The following TYW1B variants were observed in gnomAD, a reference collection of about 807,000 sequenced individuals.
TYW1B encodes the protein S-adenosyl-L-methionine-dependent tRNA 4-demethylwyosine synthase TYW1B.
TYW1B carries 73 observed loss-of-function variants against 86.9 expected under a neutral mutation model. That is an observed-to-expected ratio of 0.84 (90% CI 0.70 to 1.02). The LOEUF is 1.02. TYW1B is among the 50% of genes least tolerant of loss of function. TYW1B has a pLI of 0.00. For synonymous variants in TYW1B, 248 were observed against 292.8 expected (o/e 0.85, Z 1.56); for missense variants, 637 against 827.4 (o/e 0.77, Z 2.82).
At chr7:72,658,937 T>C (rs1473828287) in intron 11 of TYW1B, among the ~76,000 whole-genome samples, 1 of 152,126 alleles carries the variant, frequency 6.6e-6, no homozygotes, top group Non-Finnish European at 1.5e-5. Context: ...GCCAGGCTGG[T>C]CTTGAACTCC....
chr7:72,694,714 A>C lies in TYW1B; in HGVS notation c.1479T>G (p.Leu493=), dbSNP rs1554451092. The change falls in exon 11 of 14, where the codon CTT becomes CTG. Residue 493 remains leucine, a synonymous_variant. Transcript: ENST00000620995. ...PLFKDFWQQF[L]DSLKALAVKQ... ...TGACTGCCAAGGCTTTTAAACTGTC[A>C]AGGAATTGCTGCCAGAAATCCTTGA... 6.2e-7 allele frequency: 1 copy of C among 1,613,270 alleles called. No homozygotes were observed. The highest frequency in any genetic ancestry group is 8.5e-7 in the Non-Finnish European group (1 of 1,179,828).
Position 72,730,425 on chromosome 7 carries a change from G to A in TYW1B, c.1083-1494C>T, listed in dbSNP as rs187069726. The stretch of plus-strand genomic sequence containing the variant: ...CAGAAAACTTGAAGGTGAAGAATTC[G>A]ATGAATGAAATAAATACAACTGAGA... On this transcript the variant is annotated intron_variant, in intron 8 of 13. Transcript: ENST00000620995. Among the ~76,000 whole-genome samples, 480 of 147,604 alleles carry A rather than the reference G, an allele frequency of 3.3e-3. 2 individuals carry two copies. Among genetic ancestry groups the A allele is most frequent in the African/African-American group, 0.011 (450 of 39,516 alleles).
In TYW1B at chr7:72,815,450, G is replaced by C; in HGVS notation, c.167C>G (p.Thr56Arg). 7 of 1,609,274 alleles carry C rather than the reference G, an allele frequency of 4.3e-6. No homozygotes were observed. The highest frequency in any genetic ancestry group is 1.1e-5 in the South Asian group (1 of 89,330). The change falls in exon 3 of 14, where the codon ACG becomes AGG. Residue 56 changes from threonine to arginine, a missense_variant. Thr to Arg is a moderately conservative substitution (Grantham distance 71). Transcript: ENST00000620995. ...GFATVLAEAV[T>R]SLDLPVAIIN... ...AATGGCCACAGGCAGATCCAGGGAC[G>C]TAACTGCTTCAGCAAGAACTGTTGC...
chr7:72,634,937 T>C (rs1326423545), intron 11 of TYW1B, among the ~76,000 whole-genome samples: 3 of 152,180 alleles, frequency 2.0e-5, no homozygotes, highest in Non-Finnish European at 4.4e-5. Context: ...TATGGCTTCC[T>C]TTTTTTCACA....
intron 6 of TYW1B, among the ~76,000 whole-genome samples, chr7:72,785,677 C>A (rs1788116656): frequency 6.6e-6 from 1 of 152,084 alleles, no homozygotes; most frequent in Admixed American, 6.6e-5. Flanking sequence ...ACCAGTCTTA[C>A]AATGACAGTG....
intron 12 of TYW1B, among the ~76,000 whole-genome samples, chr7:72,619,583 G>A (rs1812164807): frequency 6.7e-6 from 1 of 150,338 alleles, no homozygotes; most frequent in Non-Finnish European, 1.5e-5. Flanking sequence ...GGAGCTTGCA[G>A]TGAGCCGAGA....
intron 6 of TYW1B, among the ~76,000 whole-genome samples, chr7:72,780,652 CTA>C (rs1788035635): frequency 1.3e-5 from 2 of 152,112 alleles, no homozygotes; most frequent in African/African-American, 4.8e-5. Context: ...GAGAAAGTAT[CTA>C]TTATAAAATG....
In TYW1B at chr7:72,756,201, T is replaced by TTA. The variant is rs1554465995; in HGVS notation, c.965-11601_965-11600insTA. ...TAATTAGAACTGCCAGTTTATTATT[T>TTA]TTTTATTTTATTTTATTTTATTTTA... On this transcript the variant is annotated intron_variant, in intron 7 of 13. Coordinates refer to ENST00000620995, the MANE Select transcript of TYW1B (RefSeq NM_001145440.3). Among the ~76,000 whole-genome samples, 324 of 138,862 alleles carry TTA rather than the reference T, an allele frequency of 2.3e-3. 1 individual carries two copies. Among genetic ancestry groups the TTA allele is most frequent in the Non-Finnish European group, 3.6e-3 (235 of 64,394 alleles). 91.1% of individuals were successfully genotyped at this position (138,862 alleles called of 152,430 possible).
At chr7:72,690,929 C>T (rs34703206) in intron 11 of TYW1B, among the ~76,000 whole-genome samples, 16 of 151,644 alleles carry the variant, frequency 1.1e-4, no homozygotes, top group Admixed American at 5.3e-4. Context: ...TTTTTTGTAT[C>T]TGTAGTAGAG....
At chr7:72,685,848 T>C (rs2129570067) in intron 11 of TYW1B, among the ~76,000 whole-genome samples, 1 of 152,022 alleles carries the variant, frequency 6.6e-6, no homozygotes, top group East Asian at 1.9e-4. Context: ...TGCCAAGAGA[T>C]GAAAAGACAA....
intron 12 of TYW1B, among the ~76,000 whole-genome samples, chr7:72,628,357 A>G (rs1585859573): frequency 6.6e-6 from 1 of 152,194 alleles, no homozygotes; most frequent in East Asian, 1.9e-4. Context: ...ATATGCTGAA[A>G]TAATTCTGGG....
chr7:72,593,560 G>T (rs150026537), intron 13 of TYW1B, among the ~76,000 whole-genome samples: 1,800 of 151,792 alleles, frequency 0.012, 36 homozygotes, highest in African/African-American at 0.04. Flanking sequence ...TGGTTGCTCA[G>T]GCCTGTAATC....
intron 8 of TYW1B, among the ~76,000 whole-genome samples, chr7:72,731,393 CAAAAAAAAAA>C (rs59262388): frequency 9.1e-5 from 3 of 33,046 alleles, no homozygotes; most frequent in South Asian, 1.1e-3. Flanking sequence ...TACCAAACTG[CAAAAAAAAAA>C]AAAAAAAAAA....
At chr7:72,676,284 T>A (rs1341492897) in intron 11 of TYW1B, among the ~76,000 whole-genome samples, 1 of 152,156 alleles carries the variant, frequency 6.6e-6, no homozygotes, top group Non-Finnish European at 1.5e-5. Flanking sequence ...ATAAAAGGTA[T>A]GAAGATAAGA....
intron 3 of TYW1B, among the ~76,000 whole-genome samples, chr7:72,812,230 TA>T (rs1162962939): frequency 6.6e-6 from 1 of 152,008 alleles, no homozygotes; most frequent in Non-Finnish European, 1.5e-5. Context: ...ATATACACCT[TA>T]CACACATAGC....
chr7:72,735,225 G>A (rs552394143), intron 8 of TYW1B, among the ~76,000 whole-genome samples: 124 of 152,230 alleles, frequency 8.1e-4, no homozygotes, highest in African/African-American at 2.8e-3. Context: ...GCAGATAAAT[G>A]GATAAAGGAA....
chr7:72,596,937 C>T (rs1471930908), intron 13 of TYW1B, among the ~76,000 whole-genome samples: 2 of 146,160 alleles, frequency 1.4e-5, no homozygotes, highest in Non-Finnish European at 3.0e-5. Context: ...ACAACAACAA[C>T]AAAATCCCAA....
At position 72,705,099 on chromosome 7, in the gene TYW1B, C is replaced by T. The variant is rs143359867; in HGVS notation, c.1370+8522G>A. 3.0e-3 allele frequency among the ~76,000 whole-genome samples: 461 copies of T among 152,204 alleles called. 5 individuals are homozygous for T. Among genetic ancestry groups the T allele is most frequent in the African/African-American group, 9.4e-3 (390 of 41,538 alleles). On this transcript the variant is annotated intron_variant, in intron 10 of 13. Coordinates refer to ENST00000620995, the MANE Select transcript of TYW1B (RefSeq NM_001145440.3). ...ATTGAAAGACTCAGGCAGTATTTAC[C>T]TCTATTGAAAGAAACTTCTATTGAA... is the stretch of plus-strand genomic sequence containing the variant.
intron 6 of TYW1B, among the ~76,000 whole-genome samples, chr7:72,792,816 T>A (rs773741968): frequency 1.3e-5 from 2 of 152,314 alleles, no homozygotes; most frequent in Non-Finnish European, 2.9e-5. Context: ...AAAGTTGTCA[T>A]GTTAAAGCGA....
Sources: gnomAD v4.1 joint callset for allele counts (sites outside exome capture counted in the v4.1 genomes callset) on GRCh38, gnomAD v4.1.1 for gene constraint, MANE v1.5 for transcripts, NCBI Gene and HGNC (gene_info 2026-07-23, HGNC 2026-07-21) for gene names.